Variants in C3orf20 observed in about 807,000 individuals in gnomAD.
The protein encoded by C3orf20 is uncharacterized protein C3orf20.
Under a neutral mutation model 88.3 loss-of-function variants are expected in C3orf20, and 76 were observed. That is an observed-to-expected ratio of 0.86 (90% CI 0.72 to 1.04). C3orf20 has a LOEUF of 1.04. C3orf20 is among the 50% of genes least tolerant of loss of function. The pLI is 0.00. For synonymous variants in C3orf20, 436 were observed against 437.4 expected, an observed-to-expected ratio of 1.00 and a Z score of 0.04; for missense variants, 1,056 against 1,123.3, an observed-to-expected ratio of 0.94 and a Z score of 0.86.
intron 12 of C3orf20, among the ~76,000 whole-genome samples, chr3:14,748,104 A>C (rs2035110246): frequency 6.6e-6 from 1 of 151,412 alleles, no homozygotes; most frequent in Admixed American, 6.6e-5. Flanking sequence ...ATCTAGTTCC[A>C]GGCTTTTCTT....
At chr3:14,687,983 G>A (rs911838103) in intron 4 of C3orf20, among the ~76,000 whole-genome samples, 2 of 152,126 alleles carry the variant, frequency 1.3e-5, no homozygotes, top group Non-Finnish European at 2.9e-5. Flanking sequence ...TGGTGCAGAC[G>A]CTCCTCTCTT....
At chr3:14,715,695 T>C (rs1353387937) in intron 9 of C3orf20, among the ~76,000 whole-genome samples, 1 of 152,246 alleles carries the variant, frequency 6.6e-6, no homozygotes, top group African/African-American at 2.4e-5. Flanking sequence ...TTATTCTGTT[T>C]TTACTGTTAA....
chr3:14,758,954 C>T (rs1488375792), intron 13 of C3orf20, among the ~76,000 whole-genome samples: 1 of 152,214 alleles, frequency 6.6e-6, no homozygotes, highest in African/African-American at 2.4e-5. Context: ...AAAATCCCTG[C>T]CCACGGGGGA....
In C3orf20 at chr3:14,704,333, G is replaced by T; in HGVS notation, c.879-4G>T. 1 of 1,613,956 alleles carries T rather than the reference G, an allele frequency of 6.2e-7. No individual in the cohort carries two copies. The highest frequency in any genetic ancestry group is 8.5e-7 in the Non-Finnish European group (1 of 1,179,950). On this transcript the variant is annotated splice_region_variant and splice_polypyrimidine_tract_variant and intron_variant, in intron 6 of 16. Coordinates refer to ENST00000253697, the MANE Select transcript of C3orf20 (RefSeq NM_032137.5). ...AGACAATATATTGCTCTCCTTCTCT[G>T]CAGAGAAGCTGAAAGGGCCACATGG...
At chr3:14,761,725 G>A in intron 15 of C3orf20, 110 bp downstream of exon 15, 1 of 601,650 alleles carries the variant, frequency 1.7e-6, no homozygotes, top group Non-Finnish European at 2.9e-6. Flanking sequence ...GGGCTGAAGG[G>A]ATGGAGTGGG....
chr3:14,734,960 T>G (rs1412363102), intron 12 of C3orf20, among the ~76,000 whole-genome samples: 1 of 152,036 alleles, frequency 6.6e-6, no homozygotes, highest in East Asian at 1.9e-4. Context: ...AGAGATGTTT[T>G]ATGTATTACA....
intron 6 of C3orf20, among the ~76,000 whole-genome samples, chr3:14,703,485 A>G (rs1312098370): frequency 1.3e-5 from 2 of 152,182 alleles, no homozygotes; most frequent in Admixed American, 1.3e-4. Context: ...CCCTCCCTAC[A>G]ATATCACTGC....
intron 7 of C3orf20, among the ~76,000 whole-genome samples, chr3:14,705,366 G>T (rs1247335054): frequency 6.6e-6 from 1 of 152,266 alleles, no homozygotes; most frequent in Non-Finnish European, 1.5e-5. Context: ...TCCTTGGAGG[G>T]TGAGCCCTGA....
chr3:14,716,938 G>A (rs1289165380), intron 9 of C3orf20, among the ~76,000 whole-genome samples: 1 of 152,128 alleles, frequency 6.6e-6, no homozygotes, highest in East Asian at 1.9e-4. Flanking sequence ...CCAGTCTAGG[G>A]GTGTGTTGTG....
At chr3:14,745,408 C>T (rs566775199) in intron 12 of C3orf20, among the ~76,000 whole-genome samples, 10 of 152,350 alleles carry the variant, frequency 6.6e-5, no homozygotes, top group South Asian at 2.1e-4. Context: ...TTATTTCTTC[C>T]GCTTTGCTGG....
At chr3:14,759,807 A>T (rs1477033129) in intron 13 of C3orf20, 84 bp from the exon 14 acceptor site, 6 of 1,156,668 alleles carry the variant, frequency 5.2e-6, no homozygotes, top group Non-Finnish European at 7.7e-6. Context: ...ACTCAGGGGG[A>T]ACCAGGCCTA....
intron 1 of C3orf20, among the ~76,000 whole-genome samples, chr3:14,681,874 G>A (rs897761141): frequency 2.6e-5 from 4 of 152,110 alleles, no homozygotes; most frequent in Non-Finnish European, 4.4e-5. Flanking sequence ...TTTGGTATAA[G>A]TTAAGAAGGT....
intron 5 of C3orf20, among the ~76,000 whole-genome samples, chr3:14,700,448 T>G (rs147938291): frequency 5.3e-5 from 8 of 152,346 alleles, no homozygotes; most frequent in African/African-American, 1.9e-4. Context: ...TAGGTGTGCA[T>G]GTAAAAAACT....
intron 12 of C3orf20, among the ~76,000 whole-genome samples, chr3:14,731,074 T>C (rs1481126285): frequency 6.6e-6 from 1 of 152,152 alleles, no homozygotes; most frequent in South Asian, 2.1e-4. Context: ...ACAGCCAAGA[T>C]GCAGGACGAT....
Position 14,684,323 on chromosome 3 carries a change from T to C in C3orf20, c.566T>C (p.Phe189Ser). ...LLHLNAKEMA[F>S]NCLISTAGRS... ...CACCTCAATGCCAAGGAGATGGCCT[T>C]CAACTGCCTGATCAGCACAGCCGGG... The change falls in exon 4 of 17, where the codon TTC becomes TCC. Residue 189 changes from phenylalanine (F) to serine (S), a missense_variant. By Grantham distance (155) the Phe-to-Ser change is radical (BLOSUM62 -2). Coordinates refer to ENST00000253697, the MANE Select transcript of C3orf20 (RefSeq NM_032137.5). 1 of 1,614,178 alleles carries C rather than the reference T, an allele frequency of 6.2e-7. No individual in the cohort carries two copies. Among genetic ancestry groups the C allele is most frequent in the Non-Finnish European group, 8.5e-7 (1 of 1,180,034 alleles).
At chr3:14,688,318 CCAGGA>C (rs2124900599) in intron 4 of C3orf20, among the ~76,000 whole-genome samples, 1 of 151,566 alleles carries the variant, frequency 6.6e-6, no homozygotes, top group Admixed American at 6.6e-5. Context: ...TTGCTTGAGG[CCAGGA>C]GTTCAAGACC....
chr3:14,757,849 C>G lies in C3orf20; in HGVS notation c.2244+175C>G, dbSNP rs142372885. 7.0e-3 allele frequency among the ~76,000 whole-genome samples: 1,060 copies of G among 152,344 alleles called. 10 individuals carry two copies. The highest frequency in any genetic ancestry group is 0.02 in the South Asian group (97 of 4,828). ...TACTCTCCTGTCTGCAGTGTCCTCC[C>G]TCCCCCTGCTTCTGTCCTTCCCGCT... On this transcript the variant is annotated intron_variant, in intron 13 of 16. Transcript: ENST00000253697.
intron 5 of C3orf20, among the ~76,000 whole-genome samples, chr3:14,691,556 G>A (rs2032732084): frequency 6.6e-6 from 1 of 152,178 alleles, no homozygotes; most frequent in Non-Finnish European, 1.5e-5. Context: ...ATGGTCAACT[G>A]CGGTCCAAAA....
chr3:14,685,287 A>G (rs972588073), intron 4 of C3orf20, among the ~76,000 whole-genome samples: 1 of 152,232 alleles, frequency 6.6e-6, no homozygotes, highest in Non-Finnish European at 1.5e-5. Context: ...TATATCATTT[A>G]TAGGTACATT....
Sources: allele counts gnomAD v4.1 joint callset (sites outside exome capture counted in the v4.1 genomes callset), GRCh38; gene constraint gnomAD v4.1.1; transcripts MANE v1.5; gene names NCBI Gene and HGNC (gene_info 2026-07-23, HGNC 2026-07-21).